The following CACNA1S variants were observed in gnomAD, a reference collection of about 807,000 sequenced individuals.
CACNA1S encodes calcium voltage-gated channel subunit alpha1 S, also known as voltage-dependent L-type calcium channel subunit alpha-1S.
In CACNA1S, 126 loss-of-function variants were observed where a neutral mutation model predicts 207.4. That is an observed-to-expected ratio of 0.61 (90% CI 0.53 to 0.70). CACNA1S has a LOEUF of 0.70. CACNA1S is among the 30% of genes least tolerant of loss of function. The pLI, the probability that CACNA1S is intolerant of heterozygous loss-of-function variation, is 0.00. For missense variants in CACNA1S, 2,349 were observed against 2,422.8 expected (o/e 0.97, Z 0.64); for synonymous variants, 960 against 932.7 (o/e 1.03, Z -0.53).
chr1:201,066,417 C>T lies in CACNA1S; in HGVS notation c.2658-101G>A. 9.8e-7 allele frequency: 1 copy of T among 1,025,384 alleles called. No individual in the cohort carries two copies. The highest frequency in any genetic ancestry group is 1.3e-5 in the South Asian group (1 of 79,042). The allele number at this position is 1,025,384 out of a possible 1,614,324, so 63.5% of individuals were successfully genotyped here. A position where few individuals can be genotyped will look rare whatever the true frequency, so the allele number is the denominator to read the frequency against. ...ATATCCTGCCCTCCACACCAGCTGC[C>T]TTTCTGCCTGAAAACACTCCCACCT... On this transcript the variant is annotated intron_variant, in intron 20 of 43. Transcript: ENST00000362061. The surrounding 1 kb of genome is among the most constrained non-coding windows in gnomAD (Gnocchi z 4.3).
Position 201,047,356 on chromosome 1 carries a change from C to G in CACNA1S, c.4544-117G>C, listed in dbSNP as rs568169556. On this transcript the variant is annotated intron_variant, in intron 37 of 43. Coordinates refer to ENST00000362061, the MANE Select transcript of CACNA1S (RefSeq NM_000069.3). ...TGCAAGCAATCCTTTGTCTTGCTGACTTGGTCACTGGGCACTTTCCATCCT... is the reference window on the plus strand; with the variant it reads ...TGCAAGCAATCCTTTGTCTTGCTGAGTTGGTCACTGGGCACTTTCCATCCT... The G allele has an allele frequency of 1.5e-5, 22 of 1,446,492 alleles. No homozygotes were observed. In the East Asian group the frequency reaches 5.2e-4, roughly 34 times the overall value. The allele number at this position is 1,446,492 out of a possible 1,614,324, so 89.6% of individuals were successfully genotyped here.
At chr1:201,051,612 A>G (rs1165665317) in intron 32 of CACNA1S, among the ~76,000 whole-genome samples, 1 of 152,144 alleles carries the variant, frequency 6.6e-6, no homozygotes, top group African/African-American at 2.4e-5. Flanking sequence ...AAGAATCTCA[A>G]TGCATCCGAG....
At chr1:201,064,767 T>G (rs1210042105) in intron 22 of CACNA1S, among the ~76,000 whole-genome samples, 1 of 152,204 alleles carries the variant, frequency 6.6e-6, no homozygotes, top group Non-Finnish European at 1.5e-5. Flanking sequence ...GACATCTTTG[T>G]AGGGCTAATT....
intron 10 of CACNA1S, among the ~76,000 whole-genome samples, chr1:201,079,802 G>T (rs939552077): frequency 2.0e-5 from 3 of 152,132 alleles, no homozygotes; most frequent in Admixed American, 6.5e-5. Flanking sequence ...GATAAGTCTG[G>T]GTAGAACACC....
rs759017593 is a variant in CACNA1S, at chr1:201,074,496, A to G, written c.2063+10T>C. 1.3e-6 allele frequency: 2 copies of G among 1,571,460 alleles called. No individual in the cohort carries two copies. The highest frequency in any genetic ancestry group is 2.2e-5 in the South Asian group (2 of 89,846). On this transcript the variant is annotated intron_variant, in intron 14 of 43. Transcript: ENST00000362061. ...CACTCCAGGTCCCTTCCTGCTAAGGAAGCACTCACTTGGACATCTTCCTGC... is the reference window on the plus strand; with the variant it reads ...CACTCCAGGTCCCTTCCTGCTAAGGGAGCACTCACTTGGACATCTTCCTGC...
chr1:201,054,505 A>G lies in CACNA1S; in HGVS notation c.3666T>C (p.Val1222=). ...LYCLGGGCGN[V]DPDESARISS... is the part of the protein sequence containing the mutation. ...GCAGGCTCGTGCAGCCTGAAATTAC[A>G]ACGTTCCCGCAGCCTCCACCCAGGC... is the stretch of plus-strand genomic sequence containing the variant. The change falls in exon 29 of 44, where the codon GTT becomes GTC. Residue 1222 remains valine (V), a splice_region_variant and synonymous_variant. Transcript: ENST00000362061. 1.2e-6 allele frequency: 2 copies of G among 1,613,768 alleles called. No individual in the cohort carries two copies. The highest frequency in any genetic ancestry group is 1.1e-5 in the South Asian group (1 of 91,050).
chr1:201,108,041 C>T (rs895416157), intron 2 of CACNA1S, among the ~76,000 whole-genome samples: 9 of 151,980 alleles, frequency 5.9e-5, no homozygotes, highest in Admixed American at 1.3e-4. Context: ...CACAGGACCA[C>T]GTGAAACAGT....
At position 201,044,444 on chromosome 1, in the gene CACNA1S, T is replaced by C. The variant is rs756698843; in HGVS notation, c.4681A>G (p.Thr1561Ala). 1.9e-6 allele frequency: 3 copies of C among 1,612,434 alleles called. No individual in the cohort carries two copies. Among genetic ancestry groups the C allele is most frequent in the Non-Finnish European group, 2.5e-6 (3 of 1,179,738 alleles). ...TCGGGGGCTGCCTCTTCCTCAATGGTCCGCAGCCCTGCCTGGGGATGACGA... is the reference window on the plus strand; with the variant it reads ...TCGGGGGCTGCCTCTTCCTCAATGGCCCGCAGCCCTGCCTGGGGATGACGA... ...DIVQIQAGLR[T>A]IEEEAAPEIC... The change falls in exon 39 of 44, where the codon ACC (threonine) becomes GCC (alanine). Residue 1561 changes from threonine (T) to alanine (A), a missense_variant. By Grantham distance (58) the Thr-to-Ala change is moderately conservative. Coordinates refer to ENST00000362061, the MANE Select transcript of CACNA1S (RefSeq NM_000069.3).
Position 201,065,860 on chromosome 1 carries a change from C to T in CACNA1S, c.2831G>A (p.Cys944Tyr), listed in dbSNP as rs1661217137. The T allele has an allele frequency of 6.2e-7, 1 of 1,614,020 alleles. No homozygotes were observed. Residue 944 changes from cysteine (C) to tyrosine (Y), a missense_variant, in exon 22 of 44, where the codon TGC (cysteine) becomes TAC (tyrosine). Physicochemically the swap from Cys to Tyr is radical, Grantham distance 194 (BLOSUM62 -2). Coordinates refer to ENST00000362061, the MANE Select transcript of CACNA1S (RefSeq NM_000069.3). ...VTTLLQFMFA[C>Y]IGVQLFKGKF... ...CACCTTGAAGAGCTGGACGCCGATG[C>T]AGGCAAACATGAACTGTAGGAGGGT...
At position 201,065,928 on chromosome 1, in the gene CACNA1S, C is replaced by A. The variant is rs965862537; in HGVS notation, c.2763G>T (p.Met921Ile). 4.1e-5 allele frequency: 66 copies of A among 1,612,954 alleles called. No homozygotes were observed. Among genetic ancestry groups the A allele is most frequent in the Non-Finnish European group, 5.6e-5 (66 of 1,179,172 alleles). ...TCCCGATGGTGCTGATGGCCACGAACATGCACTGCACCACGTGCTGGGGAC... is the reference window on the plus strand; with the variant it reads ...TCCCGATGGTGCTGATGGCCACGAAAATGCACTGCACCACGTGCTGGGGAC... ...AKGLKHVVQC[M>I]FVAISTIGNI... The change falls in exon 22 of 44, where the codon ATG becomes ATT. Residue 921 changes from methionine (M) to isoleucine (I), a missense_variant. Met to Ile is a conservative substitution (Grantham distance 10). Transcript: ENST00000362061.
intron 38 of CACNA1S, 45 bp from the exon 39 acceptor site, chr1:201,044,501 G>A (rs749042060): frequency 3.1e-6 from 5 of 1,603,954 alleles, no homozygotes; most frequent in Non-Finnish European, 3.4e-6. Flanking sequence ...GCCCAGGAGA[G>A]GAGACCAGAA....
chr1:201,074,682 T>C, intron 13 of CACNA1S, 62 bp from the exon 14 acceptor site: 2 of 1,068,566 alleles, frequency 1.9e-6, no homozygotes, highest in African/African-American at 3.1e-5. Flanking sequence ...AGGGCAGGAG[T>C]TCTGTCTGCC....
intron 2 of CACNA1S, among the ~76,000 whole-genome samples, chr1:201,104,226 G>T (rs55695408): frequency 6.6e-6 from 1 of 152,136 alleles, no homozygotes; most frequent in South Asian, 2.1e-4. Context: ...GTGGGAGGGG[G>T]CTGTCCTGTG....
chr1:201,041,906 C>A, intron 40 of CACNA1S: 1 of 430,228 alleles, frequency 2.3e-6, no homozygotes, highest in Non-Finnish European at 4.3e-6. Flanking sequence ...ATCTTGGCCA[C>A]ACATAGGATC....
chr1:201,042,358 G>A (rs1055506381), intron 40 of CACNA1S, among the ~76,000 whole-genome samples: 7 of 152,094 alleles, frequency 4.6e-5, no homozygotes, highest in South Asian at 2.1e-4. Flanking sequence ...GGCAGGTCTC[G>A]AACTCCTGAC....
At chr1:201,052,536 G>A (rs770145473) in intron 32 of CACNA1S, 21 bp downstream of exon 32, 4 of 1,582,708 alleles carry the variant, frequency 2.5e-6, no homozygotes, top group African/African-American at 1.3e-5. Context: ...GGTAGGGGTG[G>A]GGGTGGCGGG....
chr1:201,076,369 T>C (rs1304101001), intron 12 of CACNA1S, among the ~76,000 whole-genome samples: 2 of 152,232 alleles, frequency 1.3e-5, no homozygotes, highest in Admixed American at 1.3e-4. Context: ...TCATGAAATA[T>C]GGGCCACTCC....
In CACNA1S at chr1:201,039,559, T is replaced by C; in HGVS notation, c.*272A>G. On this transcript the variant is annotated 3_prime_UTR_variant, in exon 44 of 44. Transcript: ENST00000362061. ...GATTTTAATGTCCTGCAGGTGGGAGTGGCCCTAGGCCAGACAGGCACTGAC... is the reference window on the plus strand; with the variant it reads ...GATTTTAATGTCCTGCAGGTGGGAGCGGCCCTAGGCCAGACAGGCACTGAC... 1 of 547,786 alleles carries C rather than the reference T, an allele frequency of 1.8e-6. No individual in the cohort carries two copies. Among genetic ancestry groups the C allele is most frequent in the South Asian group, 2.1e-5 (1 of 47,280 alleles). 33.9% of individuals were successfully genotyped at this position (547,786 alleles called of 1,614,324 possible).
At position 201,066,134 on chromosome 1, in the gene CACNA1S, G is replaced by A; in HGVS notation, c.2745+95C>T. 8.1e-7 allele frequency: 1 copy of A among 1,234,882 alleles called. No individual in the cohort carries two copies. The highest frequency in any genetic ancestry group is 1.2e-6 in the Non-Finnish European group (1 of 839,786). The allele number at this position is 1,234,882 out of a possible 1,614,324, so 76.5% of individuals were successfully genotyped here. ...ATCTGCCCAGGGAGATGGGACAGGG[G>A]TCCCAGCCATGGCTGGGCTGAGGTT... On this transcript the variant is annotated intron_variant, in intron 21 of 43. Coordinates refer to ENST00000362061, the MANE Select transcript of CACNA1S (RefSeq NM_000069.3). This position sits in a 1 kb window ranked among gnomAD's most constrained non-coding sequence, Gnocchi z 4.3.
Sources: allele counts gnomAD v4.1 joint callset (sites outside exome capture counted in the v4.1 genomes callset), GRCh38; gene constraint gnomAD v4.1.1; non-coding constraint Gnocchi (gnomAD v3.1); transcripts MANE v1.5; gene names NCBI Gene and HGNC (gene_info 2026-07-23, HGNC 2026-07-21).